RYR2: variants seen among roughly 807,000 people sequenced by gnomAD.
RYR2 encodes the protein ryanodine receptor 2.
RYR2 carries 227 observed loss-of-function variants against 601.1 expected under a neutral mutation model. The observed-to-expected ratio is 0.38, with a 90% confidence interval of 0.34 to 0.42. The LOEUF is 0.42. Among genes scored for constraint, RYR2 ranks in the 10% least tolerant of loss-of-function variants. RYR2 has a pLI of 1.00. For synonymous variants in RYR2, 2,223 were observed against 2,175.1 expected (o/e 1.02, Z -0.61); for missense variants, 4,646 against 6,156.5 (o/e 0.75, Z 8.21).
chr1:237,421,170 C>T (rs981521690), intron 11 of RYR2, among the ~76,000 whole-genome samples: 7 of 152,150 alleles, frequency 4.6e-5, no homozygotes, highest in Non-Finnish European at 5.9e-5. Flanking sequence ...ACCCGGGAGG[C>T]GGAGTTTACA....
chr1:237,579,659 C>G (rs192501824), intron 29 of RYR2, among the ~76,000 whole-genome samples: 3 of 152,174 alleles, frequency 2.0e-5, no homozygotes, highest in East Asian at 3.9e-4. Context: ...CTATATTAAA[C>G]CTAATTTGTA....
intron 29 of RYR2, among the ~76,000 whole-genome samples, chr1:237,577,140 G>A (rs538206804): frequency 6.6e-6 from 1 of 152,294 alleles, no homozygotes; most frequent in Admixed American, 6.5e-5. Flanking sequence ...TCAACAGCAG[G>A]AGATATGTAC....
At chr1:237,611,188 G>GA (rs971608193) in intron 36 of RYR2, among the ~76,000 whole-genome samples, 200 bp downstream of exon 36, 29 of 152,090 alleles carry the variant, frequency 1.9e-4, no homozygotes, top group South Asian at 1.5e-3. Flanking sequence ...TTCTGTTACT[G>GA]AAAAAAATTA....
At chr1:237,443,471 G>A (rs978027343) in intron 13 of RYR2, among the ~76,000 whole-genome samples, 18 of 152,150 alleles carry the variant, frequency 1.2e-4, no homozygotes, top group African/African-American at 4.1e-4. Flanking sequence ...CATGTGTTGT[G>A]TCTTTTAACT....
At position 237,833,363 on chromosome 1, in the gene RYR2, C is replaced by A. The variant is rs866714878; in HGVS notation, c.*716C>A. ...TAAATTCACATTTGCCCCCCCCCCC[C>A]GCCCCCGCCCCCATATGCTCCTGCT... On this transcript the variant is annotated 3_prime_UTR_variant, in exon 105 of 105. Coordinates refer to ENST00000366574, the MANE Select transcript of RYR2 (RefSeq NM_001035.3). 1 of 135,886 alleles carries A rather than the reference C, an allele frequency of 7.4e-6. No individual in the cohort carries two copies. The highest frequency in any genetic ancestry group is 7.8e-5 in the Admixed American group (1 of 12,846). 8.4% of individuals were successfully genotyped at this position (135,886 alleles called of 1,614,324 possible).
At chr1:237,633,779 T>G in intron 43 of RYR2, 69 bp downstream of exon 43, 1 of 1,463,930 alleles carries the variant, frequency 6.8e-7, no homozygotes, top group Non-Finnish European at 9.2e-7. Flanking sequence ...AAAGCAAACG[T>G]TTTGTTAAAA....
At chr1:237,181,136 AC>A (rs1292791461) in intron 1 of RYR2, among the ~76,000 whole-genome samples, 2 of 152,124 alleles carry the variant, frequency 1.3e-5, no homozygotes, top group East Asian at 3.9e-4. Flanking sequence ...GGCACCTGCC[AC>A]CATGCCCTGC....
chr1:237,532,177 TA>T (rs1248770078), intron 25 of RYR2, among the ~76,000 whole-genome samples: 2 of 152,084 alleles, frequency 1.3e-5, no homozygotes, highest in Non-Finnish European at 2.9e-5. Flanking sequence ...TTGTTTTTAA[TA>T]AAAAGTCATA....
At chr1:237,223,544 A>G (rs1210823223) in intron 1 of RYR2, among the ~76,000 whole-genome samples, 1 of 152,218 alleles carries the variant, frequency 6.6e-6, no homozygotes, top group Non-Finnish European at 1.5e-5. Context: ...TTTTTACTGT[A>G]GGCAGATTTG....
chr1:237,533,297 A>T (rs1238880459), intron 25 of RYR2, among the ~76,000 whole-genome samples: 1 of 152,228 alleles, frequency 6.6e-6, no homozygotes, highest in Non-Finnish European at 1.5e-5. Flanking sequence ...TATGCAGATC[A>T]GCGCGAGCCT....
chr1:237,102,972 T>C (rs1435622886), intron 1 of RYR2, among the ~76,000 whole-genome samples: 2 of 152,216 alleles, frequency 1.3e-5, no homozygotes, highest in African/African-American at 4.8e-5. Context: ...ATGCACACCG[T>C]TGTGCAACAA....
At position 237,546,851 on chromosome 1, in the gene RYR2, T is replaced by G. The variant is rs576312003; in HGVS notation, c.2907-1580T>G. Reference sequence around the variant, plus strand: ...ATGTATTGGTCACTATTCTAGGTGCTGGGGGGTCACTGTGAATAAAATGGA... The same window carrying G: ...ATGTATTGGTCACTATTCTAGGTGCGGGGGGGTCACTGTGAATAAAATGGA... On this transcript the variant is annotated intron_variant, in intron 25 of 104. Coordinates refer to ENST00000366574, the MANE Select transcript of RYR2 (RefSeq NM_001035.3). 1.2e-3 allele frequency among the ~76,000 whole-genome samples: 177 copies of G among 151,718 alleles called. 1 individual carries two copies. Among genetic ancestry groups the G allele is most frequent in the Non-Finnish European group, 1.9e-3 (129 of 67,888 alleles).
intron 67 of RYR2, among the ~76,000 whole-genome samples, chr1:237,706,074 C>T (rs1453227447): frequency 6.6e-6 from 1 of 152,048 alleles, no homozygotes; most frequent in Non-Finnish European, 1.5e-5. Context: ...CATAGTGAAA[C>T]CCCGTCTGTG....
chr1:237,183,611 A>G (rs888256732), intron 1 of RYR2, among the ~76,000 whole-genome samples: 1 of 152,216 alleles, frequency 6.6e-6, no homozygotes, highest in Non-Finnish European at 1.5e-5. Flanking sequence ...GTAAAGATAA[A>G]GCATACACAT....
In RYR2 at chr1:237,536,751, T is replaced by G. The variant is rs1391377225; in HGVS notation, c.2906+6241T>G. Among the ~76,000 whole-genome samples the G allele has an allele frequency of 6.2e-5, 8 of 128,308 alleles. 1 individual carries two copies. Among genetic ancestry groups the G allele is most frequent in the African/African-American group, 9.0e-5 (3 of 33,396 alleles). 84.2% of individuals were successfully genotyped at this position (128,308 alleles called of 152,430 possible). ...AAAAAAAAAAATTAGCCGGGCATGG[T>G]GGCAGGCGCCTGTAGTCCCAGCTAC... On this transcript the variant is annotated intron_variant, in intron 25 of 104. Coordinates refer to ENST00000366574, the MANE Select transcript of RYR2 (RefSeq NM_001035.3).
chr1:237,633,922 C>T (rs746683199), intron 43 of RYR2, among the ~76,000 whole-genome samples: 9 of 152,156 alleles, frequency 5.9e-5, no homozygotes, highest in Non-Finnish European at 1.3e-4. Context: ...TATCACCTCA[C>T]ACCTGTTAGA....
At chr1:237,210,297 A>C (rs1016615049) in intron 1 of RYR2, among the ~76,000 whole-genome samples, 13 of 152,138 alleles carry the variant, frequency 8.5e-5, no homozygotes, top group Admixed American at 5.2e-4. Context: ...GGACTATTTC[A>C]TATTAGAGAA....
At chr1:237,548,735 A>G in intron 26 of RYR2, 145 bp downstream of exon 26, 1 of 1,011,660 alleles carries the variant, frequency 9.9e-7, no homozygotes, top group Non-Finnish European at 1.4e-6. Flanking sequence ...ACAGCTGTTT[A>G]ATGCTAGACT....
intron 1 of RYR2, among the ~76,000 whole-genome samples, chr1:237,234,250 A>C (rs1285632581): frequency 6.6e-6 from 1 of 152,226 alleles, no homozygotes; most frequent in Non-Finnish European, 1.5e-5. Flanking sequence ...ACAAATTCTT[A>C]GATAACAAGG....
Sources: gnomAD v4.1 joint callset for allele counts (sites outside exome capture counted in the v4.1 genomes callset) on GRCh38, gnomAD v4.1.1 for gene constraint, MANE v1.5 for transcripts, NCBI Gene and HGNC (gene_info 2026-07-23, HGNC 2026-07-21) for gene names.